Variants in SLC25A24 observed in about 807,000 individuals in gnomAD.
SLC25A24 encodes mitochondrial adenyl nucleotide antiporter SLC25A24.
A neutral mutation model predicts 60.7 loss-of-function variants in SLC25A24; 49 were observed. The ratio of observed to expected loss-of-function variants is 0.81; its 90% CI spans 0.64 to 1.02. The LOEUF (loss-of-function observed/expected upper bound fraction) is 1.02. Ranked by LOEUF, SLC25A24 falls within the 50% of genes least tolerant of loss-of-function variation. The pLI is 0.00. For synonymous variants in SLC25A24, 202 were observed against 200.6 expected (o/e 1.01, Z -0.06); for missense variants, 564 against 586.3 (o/e 0.96, Z 0.39).
In SLC25A24 at chr1:108,155,129, C is replaced by T. The variant is rs373291702; in HGVS notation, c.676G>A (p.Gly226Ser). ...ATGTTCATTTTGTCTGATTTTGAAC[C>T]GTGAACCTAAAAATAAAAGCAGAAT... ...DRLKIMMQVH[G>S]SKSDKMNIFG... Residue 226 changes from glycine (G) to serine (S), a missense_variant, in exon 6 of 10, where the codon GGT becomes AGT. Gly to Ser is a moderately conservative substitution (Grantham distance 56). Transcript: ENST00000565488. 1.3e-5 allele frequency: 21 copies of T among 1,604,228 alleles called. No individual in the cohort carries two copies. Among genetic ancestry groups the T allele is most frequent in the African/African-American group, 9.4e-5 (7 of 74,514 alleles).
chr1:108,154,948 CTT>C, intron 6 of SLC25A24, 33 bp downstream of exon 6: 1 of 1,531,012 alleles, frequency 6.5e-7, no homozygotes, highest in Non-Finnish European at 8.9e-7. Context: ...ACTAACTCCT[CTT>C]TGTTAATAAA....
Position 108,148,276 on chromosome 1 carries a change from C to A in SLC25A24, c.930+3G>T. 6.5e-7 allele frequency: 1 copy of A among 1,534,562 alleles called. No homozygotes were observed. Among genetic ancestry groups the A allele is most frequent in the Non-Finnish European group, 9.0e-7 (1 of 1,107,240 alleles). ...CACAGTCAGACTTGACAATGGTACT[C>A]ACCTCCATTGGATATATAAAAGTCT... On this transcript the variant is annotated splice_donor_region_variant and intron_variant, in intron 7 of 9. Coordinates refer to ENST00000565488, the MANE Select transcript of SLC25A24 (RefSeq NM_013386.5).
intron 3 of SLC25A24, among the ~76,000 whole-genome samples, chr1:108,179,262 G>A (rs1383024309): frequency 6.6e-6 from 1 of 152,068 alleles, no homozygotes. Flanking sequence ...AGTATGTAGA[G>A]AAAAGGGAAC....
intron 5 of SLC25A24, among the ~76,000 whole-genome samples, chr1:108,155,453 G>A (rs1024407672): frequency 2.0e-5 from 3 of 151,718 alleles, no homozygotes; most frequent in Admixed American, 2.0e-4. Context: ...TCAGGCAATG[G>A]AACACCCTTT....
chr1:108,191,714 G>T (rs1220340269), intron 1 of SLC25A24, among the ~76,000 whole-genome samples: 1 of 139,738 alleles, frequency 7.2e-6, no homozygotes, highest in African/African-American at 2.5e-5. Flanking sequence ...TCAACTGACA[G>T]TTTTTTGGGC....
In SLC25A24 at chr1:108,148,367, T is replaced by G; in HGVS notation, c.842A>C (p.Glu281Ala). 1 of 1,608,518 alleles carries G rather than the reference T, an allele frequency of 6.2e-7. No homozygotes were observed. Among genetic ancestry groups the G allele is most frequent in the Non-Finnish European group, 8.5e-7 (1 of 1,174,978 alleles). ...AYEQYKKLLT[E>A]EGQKIGTFER... ...AAATGTTCCTATTTTTTGTCCTTCTTCAGTAAGTAACTTCTTGTACTGTAT... is the reference window on the plus strand; with the variant it reads ...AAATGTTCCTATTTTTTGTCCTTCTGCAGTAAGTAACTTCTTGTACTGTAT... Residue 281 changes from glutamate (E) to alanine (A), a missense_variant, in exon 7 of 10, where the codon GAA becomes GCA. Physicochemically the swap from Glu to Ala is moderately radical, Grantham distance 107. Transcript: ENST00000565488.
intron 6 of SLC25A24, among the ~76,000 whole-genome samples, chr1:108,152,077 CT>C (rs1286637730): frequency 1.3e-5 from 2 of 152,168 alleles, no homozygotes; most frequent in African/African-American, 4.8e-5. Context: ...TGTCTCCACT[CT>C]TTTTTCAGGT....
intron 9 of SLC25A24, among the ~76,000 whole-genome samples, chr1:108,137,240 C>A (rs1679316232): frequency 6.6e-6 from 1 of 152,108 alleles, no homozygotes; most frequent in Admixed American, 6.5e-5. Context: ...GTACACTTTC[C>A]ACCACCCCAC....
At chr1:108,172,875 G>T (rs1647508702) in intron 3 of SLC25A24, among the ~76,000 whole-genome samples, 1 of 151,914 alleles carries the variant, frequency 6.6e-6, no homozygotes, top group Non-Finnish European at 1.5e-5. Context: ...TTTAAAAATT[G>T]TTTCTAACAC....
At chr1:108,153,538 T>G (rs6666316) in intron 6 of SLC25A24, among the ~76,000 whole-genome samples, 76,947 of 151,994 alleles carry the variant, frequency 0.51, 20,037 homozygotes, top group African/African-American at 0.63. Context: ...AGATGCTTAG[T>G]ATATGCTTGT....
chr1:108,158,964 C>CT (rs1309495611), intron 4 of SLC25A24, among the ~76,000 whole-genome samples: 1 of 152,142 alleles, frequency 6.6e-6, no homozygotes, highest in African/African-American at 2.4e-5. Flanking sequence ...GATCGCACCA[C>CT]TGCACTCTAG....
At chr1:108,162,177 T>C (rs112196752) in intron 3 of SLC25A24, among the ~76,000 whole-genome samples, 1 of 152,140 alleles carries the variant, frequency 6.6e-6, no homozygotes, top group East Asian at 1.9e-4. Flanking sequence ...CCACATTTTC[T>C]TAATCCAGTC....
In SLC25A24 at chr1:108,193,401, G is replaced by A. The variant is rs949268761; in HGVS notation, c.183+6555C>T. Among the ~76,000 whole-genome samples the A allele has an allele frequency of 5.8e-5, 8 of 137,706 alleles. 1 individual carries two copies. Among genetic ancestry groups the A allele is most frequent in the Admixed American group, 1.7e-4 (2 of 12,048 alleles). 90.3% of individuals were successfully genotyped at this position (137,706 alleles called of 152,430 possible). A position where few individuals can be genotyped will look rare whatever the true frequency, so the allele number is the denominator to read the frequency against. ...CATCTTTATGCCCCATTTACCCAAG[G>A]TTTAGCTCCCCCTGTAAATGAGAAC... is the stretch of plus-strand genomic sequence containing the variant. On this transcript the variant is annotated intron_variant, in intron 1 of 9. Transcript: ENST00000565488.
At chr1:108,190,252 A>G (rs1272084004) in intron 1 of SLC25A24, among the ~76,000 whole-genome samples, 1 of 152,216 alleles carries the variant, frequency 6.6e-6, no homozygotes, top group Non-Finnish European at 1.5e-5. Flanking sequence ...AGGGTTCATT[A>G]GAAACGCGGC....
At position 108,192,693 on chromosome 1, in the gene SLC25A24, G is replaced by C. The variant is rs1648382875; in HGVS notation, c.184-6739C>G. 30 of 1,452,510 alleles carry C rather than the reference G, an allele frequency of 2.1e-5. 5 individuals carry two copies. The highest frequency in any genetic ancestry group is 2.7e-5 in the Non-Finnish European group (30 of 1,091,690). 90.0% of individuals were successfully genotyped at this position (1,452,510 alleles called of 1,614,324 possible). ...GGGTGGAAGTGCGACCGACGAACGG[G>C]ATCTCTGCCCACCACACACGTCCAG... is the stretch of plus-strand genomic sequence containing the variant. On this transcript the variant is annotated intron_variant, in intron 1 of 9. Transcript: ENST00000565488.
chr1:108,164,778 T>TTTTTTTTG (rs1558017241), intron 3 of SLC25A24, among the ~76,000 whole-genome samples: 1 of 96,830 alleles, frequency 1.0e-5, no homozygotes, highest in Non-Finnish European at 2.1e-5. Flanking sequence ...GAAGGGTTTT[T>TTTTTTTTG]TGTCTCTATT....
intron 3 of SLC25A24, among the ~76,000 whole-genome samples, chr1:108,173,969 T>C (rs1466079204): frequency 6.6e-6 from 1 of 152,136 alleles, no homozygotes; most frequent in Non-Finnish European, 1.5e-5. Flanking sequence ...AAGAAATTTC[T>C]AAGTGGCAAA....
At chr1:108,139,566 GAAACTCTTACAT>G (rs1484164967) in intron 8 of SLC25A24, among the ~76,000 whole-genome samples, 3 of 152,084 alleles carry the variant, frequency 2.0e-5, no homozygotes, top group African/African-American at 4.8e-5. Context: ...GAGCCTTACA[GAAACTCTTACAT>G]AAATCTATTA....
intron 1 of SLC25A24, among the ~76,000 whole-genome samples, chr1:108,190,797 G>T (rs1157948013): frequency 1.9e-5 from 2 of 103,142 alleles, no homozygotes; most frequent in Non-Finnish European, 4.4e-5. Flanking sequence ...ACCTCCTAAC[G>T]ATGTGACTGC....
Sources: gnomAD v4.1 joint callset for allele counts (sites outside exome capture counted in the v4.1 genomes callset) on GRCh38, gnomAD v4.1.1 for gene constraint, MANE v1.5 for transcripts, NCBI Gene and HGNC (gene_info 2026-07-23, HGNC 2026-07-21) for gene names.